EML4: variants seen among roughly 807,000 people sequenced by gnomAD.
EML4 encodes EMAP like 4.
A neutral mutation model predicts 129.0 loss-of-function variants in EML4; 72 were observed. That is an observed-to-expected ratio of 0.56 (90% CI 0.46 to 0.68). The LOEUF is 0.68. Among genes scored for constraint, EML4 ranks in the 30% least tolerant of loss-of-function variants. The probability of loss-of-function intolerance (pLI) is 0.00; values close to 1 mark genes in which losing one functional copy is unlikely to be tolerated. For synonymous variants in EML4, 532 were observed against 405.0 expected (o/e 1.31, Z -3.77); for missense variants, 1,363 against 1,190.6 (o/e 1.14, Z -2.13).
At chr2:42,276,486 G>A (rs555353495) in intron 6 of EML4, among the ~76,000 whole-genome samples, 6 of 152,256 alleles carry the variant, frequency 3.9e-5, no homozygotes, top group Non-Finnish European at 8.8e-5. Flanking sequence ...AATAGACTCA[G>A]CAGAATTCTA....
chr2:42,178,844 T>A (rs1470940157), intron 1 of EML4, among the ~76,000 whole-genome samples: 2 of 152,164 alleles, frequency 1.3e-5, no homozygotes, highest in African/African-American at 4.8e-5. Context: ...ACCTAAGGGA[T>A]CTGGGAGTGT....
rs552361746 is a variant in EML4 at position 42,221,146 on chromosome 2, A to G, written c.26-24359A>G. 7.2e-5 allele frequency among the ~76,000 whole-genome samples: 11 copies of G among 152,256 alleles called. No homozygotes were observed. In the East Asian group the frequency reaches 2.1e-3, roughly 29 times the overall value. ...GCACTAAACAACAGATTATCAGTGT[A>G]GACAACACTGTCTTATATTAGAAAA... On this transcript the variant is annotated intron_variant, in intron 1 of 22. Coordinates refer to ENST00000318522, the MANE Select transcript of EML4 (RefSeq NM_019063.5).
chr2:42,301,296 T>C lies in EML4; in HGVS notation c.1545T>C (p.Leu515=). ...CTCATGATGGCAGTGTGTTCACACT[T>C]TGTCAGATGAGAAATGGGATGTTAT... ...IKAHDGSVFT[L]CQMRNGMLLT... Residue 515 remains leucine, a synonymous_variant, in exon 14 of 23, where the codon CTT becomes CTC. Coordinates refer to ENST00000318522, the MANE Select transcript of EML4 (RefSeq NM_019063.5). 6.2e-7 allele frequency: 1 copy of C among 1,613,350 alleles called. No homozygotes were observed. Among genetic ancestry groups the C allele is most frequent in the Non-Finnish European group, 8.5e-7 (1 of 1,179,624 alleles).
chr2:42,183,378 G>C (rs1398789447), intron 1 of EML4, among the ~76,000 whole-genome samples: 1 of 152,140 alleles, frequency 6.6e-6, no homozygotes, highest in Non-Finnish European at 1.5e-5. Context: ...CAATTGATGT[G>C]TACATTGTCG....
Position 42,217,871 on chromosome 2 carries a change from A to G in EML4, c.26-27634A>G, listed in dbSNP as rs533806270. Among the ~76,000 whole-genome samples the G allele has an allele frequency of 2.6e-5, 4 of 152,370 alleles. No homozygotes were observed. In the South Asian group the frequency reaches 6.2e-4, roughly 24 times the overall value. The stretch of plus-strand genomic sequence containing the variant: ...ATTTACTTCTAAATATGTAGAAGAC[A>G]TGGGGAATTTGATCTGGGTGCTGAT... On this transcript the variant is annotated intron_variant, in intron 1 of 22. Transcript: ENST00000318522.
At chr2:42,302,345 G>A (rs998539297) in intron 14 of EML4, among the ~76,000 whole-genome samples, 3 of 151,976 alleles carry the variant, frequency 2.0e-5, no homozygotes, top group Admixed American at 6.6e-5. Context: ...TTTTTGTGGT[G>A]AGAATATTTT....
intron 11 of EML4, chr2:42,288,945 A>G (rs531060936): frequency 6.6e-6 from 1 of 152,328 alleles, no homozygotes; most frequent in Non-Finnish European, 1.5e-5. Flanking sequence ...AAAGATTCAA[A>G]GTGATAGAAT....
At chr2:42,255,730 G>T (rs994295586) in intron 2 of EML4, among the ~76,000 whole-genome samples, 15 of 152,050 alleles carry the variant, frequency 9.9e-5, no homozygotes, top group African/African-American at 3.6e-4. Flanking sequence ...TCTAATGTAG[G>T]ACTTACGAAT....
intron 1 of EML4, among the ~76,000 whole-genome samples, chr2:42,172,603 A>G (rs1464621067): frequency 2.6e-5 from 4 of 152,086 alleles, no homozygotes; most frequent in Non-Finnish European, 5.9e-5. Flanking sequence ...TATTATTAAT[A>G]TATCTTTTAA....
chr2:42,216,190 G>A (rs932393586), intron 1 of EML4, among the ~76,000 whole-genome samples: 1 of 144,780 alleles, frequency 6.9e-6, no homozygotes, highest in Admixed American at 7.0e-5. Context: ...AAACCAAAGT[G>A]CTGGGATTAC....
chr2:42,267,372 A>G (rs17029483), intron 6 of EML4, among the ~76,000 whole-genome samples: 5,214 of 152,296 alleles, frequency 0.034, 270 homozygotes, highest in African/African-American at 0.11. Flanking sequence ...TGGCATATTC[A>G]CAACACATTT....
intron 1 of EML4, among the ~76,000 whole-genome samples, chr2:42,236,864 A>G (rs1053578684): frequency 6.6e-6 from 1 of 152,114 alleles, no homozygotes; most frequent in Non-Finnish European, 1.5e-5. Context: ...GGTACGCATA[A>G]GATAGTATTT....
At chr2:42,265,497 C>A (rs917229423) in intron 6 of EML4, among the ~76,000 whole-genome samples, 4 of 152,162 alleles carry the variant, frequency 2.6e-5, no homozygotes, top group Non-Finnish European at 5.9e-5. Flanking sequence ...GCCTCAGCCC[C>A]CCAAAATGCT....
chr2:42,224,680 G>T (rs551841188), intron 1 of EML4, among the ~76,000 whole-genome samples: 100 of 152,056 alleles, frequency 6.6e-4, no homozygotes, highest in African/African-American at 2.2e-3. Flanking sequence ...GTATATGAGG[G>T]TTTCAATTTC....
chr2:42,214,036 C>T (rs1673031893), intron 1 of EML4, among the ~76,000 whole-genome samples: 1 of 152,082 alleles, frequency 6.6e-6, no homozygotes, highest in African/African-American at 2.4e-5. Context: ...CGGTGGGTAA[C>T]ACATATGTTT....
chr2:42,238,153 C>T (rs1674792288), intron 1 of EML4, among the ~76,000 whole-genome samples: 1 of 151,998 alleles, frequency 6.6e-6, no homozygotes, highest in African/African-American at 2.4e-5. Context: ...GACTTGGATC[C>T]CCTCCACAAG....
chr2:42,169,661 G>T, intron 1 of EML4, 25 bp downstream of exon 1: 2 of 1,599,150 alleles, frequency 1.3e-6, no homozygotes, highest in African/African-American at 2.7e-5. Context: ...GGAGTCCTGC[G>T]TCTTCTGCGA....
chr2:42,249,096 A>T (rs1675603716), intron 2 of EML4, among the ~76,000 whole-genome samples: 1 of 152,210 alleles, frequency 6.6e-6, no homozygotes, highest in Admixed American at 6.5e-5. Flanking sequence ...CCTAAAATAG[A>T]TCATCTCAGT....
intron 13 of EML4, among the ~76,000 whole-genome samples, chr2:42,297,033 A>G (rs775639857): frequency 3.9e-5 from 6 of 152,244 alleles, no homozygotes; most frequent in Non-Finnish European, 8.8e-5. Flanking sequence ...GTTTAAAACA[A>G]GAAGCCTTAA....
Sources: allele counts gnomAD v4.1 joint callset (sites outside exome capture counted in the v4.1 genomes callset), GRCh38; gene constraint gnomAD v4.1.1; transcripts MANE v1.5; gene names NCBI Gene and HGNC (gene_info 2026-07-23, HGNC 2026-07-21).